Variants in OR7C1 observed in about 807,000 individuals in gnomAD.
OR7C1 encodes the protein olfactory receptor family 7 subfamily C member 1.
For synonymous variants in OR7C1, 152 were observed against 160.7 expected (o/e 0.95, Z 0.41); for missense variants, 324 against 383.3 (o/e 0.85, Z 1.29).
At chr19:14,804,398 A>G (rs185448213) in intron 2 of OR7C1, among the ~76,000 whole-genome samples, 2 of 152,316 alleles carry the variant, frequency 1.3e-5, no homozygotes, top group East Asian at 3.8e-4. Flanking sequence ...CAAGTAAACA[A>G]CTGCAAATTA....
chr19:14,823,014 G>A (rs2044748486), intron 1 of OR7C1, among the ~76,000 whole-genome samples: 1 of 152,072 alleles, frequency 6.6e-6, no homozygotes, highest in South Asian at 2.1e-4. Flanking sequence ...TTAATTTGAT[G>A]TAATCCCACT....
chr19:14,806,472 T>C (rs1472148747), intron 2 of OR7C1, among the ~76,000 whole-genome samples: 2 of 151,972 alleles, frequency 1.3e-5, no homozygotes, highest in African/African-American at 4.8e-5. Flanking sequence ...GCTGCACCTG[T>C]CAACCCATCA....
chr19:14,814,100 A>G (rs1037208249), intron 1 of OR7C1, among the ~76,000 whole-genome samples: 1 of 152,118 alleles, frequency 6.6e-6, no homozygotes, highest in Non-Finnish European at 1.5e-5. Flanking sequence ...GAAAGACTGC[A>G]TGACATTGGT....
chr19:14,798,772 C>T (rs2044623507), exon 5 of OR7C1: 1 of 164,698 alleles, frequency 6.1e-6, no homozygotes, highest in Admixed American at 5.9e-5. Flanking sequence ...ACCTGGGCAG[C>T]CCCATGTTGC....
chr19:14,818,822 G>T (rs901540965), intron 1 of OR7C1, among the ~76,000 whole-genome samples: 1 of 152,152 alleles, frequency 6.6e-6, no homozygotes, highest in African/African-American at 2.4e-5. Flanking sequence ...ATTTTAGATA[G>T]TTTAGAGAGT....
intron 1 of OR7C1, among the ~76,000 whole-genome samples, chr19:14,820,871 GA>G (rs1465524486): frequency 2.0e-5 from 3 of 152,128 alleles, no homozygotes; most frequent in Admixed American, 2.0e-4. Flanking sequence ...AGAAAAGAGG[GA>G]AAAACTCAAT....
chr19:14,832,340 T>G (rs1442491071), intron 1 of OR7C1, among the ~76,000 whole-genome samples: 1 of 152,160 alleles, frequency 6.6e-6, no homozygotes, highest in Non-Finnish European at 1.5e-5. Context: ...TGAGCAGGGA[T>G]GTTACCATGG....
chr19:14,820,986 G>A (rs138639690), intron 1 of OR7C1, among the ~76,000 whole-genome samples: 4 of 152,290 alleles, frequency 2.6e-5, no homozygotes, highest in Non-Finnish European at 5.9e-5. Flanking sequence ...GGGCATGGTG[G>A]CTCACACCTG....
intron 1 of OR7C1, among the ~76,000 whole-genome samples, chr19:14,813,373 G>T (rs2044700417): frequency 6.6e-6 from 1 of 151,786 alleles, no homozygotes; most frequent in Non-Finnish European, 1.5e-5. Flanking sequence ...ATCTAACTCG[G>T]TGAAACCCTG....
At chr19:14,830,467 A>G (rs1280062265) in intron 1 of OR7C1, among the ~76,000 whole-genome samples, 1 of 151,796 alleles carries the variant, frequency 6.6e-6, no homozygotes, top group African/African-American at 2.4e-5. Flanking sequence ...CAAGGAGACA[A>G]AGGCTTGCTG....
chr19:14,799,048 C>A, exon 5 of OR7C1: 3 of 1,243,946 alleles, frequency 2.4e-6, no homozygotes, highest in Admixed American at 2.8e-5. Flanking sequence ...TAAATAATTT[C>A]TTTCTAGCTC....
chr19:14,821,435 G>A (rs937856459), intron 1 of OR7C1: 4 of 152,214 alleles, frequency 2.6e-5, no homozygotes, highest in Admixed American at 2.6e-4. Flanking sequence ...TCCCAACAGT[G>A]TGGCTCTTCT....
At chr19:14,834,333 T>C (rs1360280541) in intron 1 of OR7C1, among the ~76,000 whole-genome samples, 1 of 152,128 alleles carries the variant, frequency 6.6e-6, no homozygotes, top group Non-Finnish European at 1.5e-5. Flanking sequence ...CCAGCAGATA[T>C]TCCTCGCCAC....
At chr19:14,827,863 A>T in intron 1 of OR7C1, 2 of 1,614,240 alleles carry the variant, frequency 1.2e-6, no homozygotes, top group Non-Finnish European at 1.7e-6. Flanking sequence ...AGGGGGTGAC[A>T]GATGGCCACA....
intron 1 of OR7C1, among the ~76,000 whole-genome samples, chr19:14,823,842 T>G (rs1238399648): frequency 6.6e-6 from 1 of 152,154 alleles, no homozygotes; most frequent in Admixed American, 6.5e-5. Context: ...TTCATTCTTC[T>G]GCATATGGAT....
At chr19:14,824,691 T>A (rs963471175) in intron 1 of OR7C1, 2 of 152,132 alleles carry the variant, frequency 1.3e-5, no homozygotes, top group Non-Finnish European at 2.9e-5. Context: ...AACATATGGG[T>A]GAATGAGTCC....
At chr19:14,827,505 G>A in intron 1 of OR7C1, 1 of 1,614,176 alleles carries the variant, frequency 6.2e-7, no homozygotes, top group Non-Finnish European at 8.5e-7. Context: ...GGAGACAACT[G>A]AGAGGTGAGA....
At chr19:14,808,840 A>T (rs1442054411) in intron 2 of OR7C1, among the ~76,000 whole-genome samples, 1 of 152,040 alleles carries the variant, frequency 6.6e-6, no homozygotes, top group East Asian at 1.9e-4. Flanking sequence ...TCCTCGTTAG[A>T]ACTCATAGAG....
In OR7C1 at chr19:14,801,519, C is replaced by G. The variant is rs535334340; in HGVS notation, c.-434-755G>C. On this transcript the variant is annotated intron_variant, in intron 2 of 4. Transcript: ENST00000641666. The stretch of plus-strand genomic sequence containing the variant: ...ATAGGTACTGCGTATTAAATTAATG[C>G]GATTTTAGGATATATTTTGAATTTT... Among the ~76,000 whole-genome samples, 142 of 152,050 alleles carry G rather than the reference C, an allele frequency of 9.3e-4. 2 individuals carry two copies. In the South Asian group the frequency reaches 0.029, roughly 31 times the overall value.
Sources: allele counts gnomAD v4.1 joint callset (sites outside exome capture counted in the v4.1 genomes callset), GRCh38; gene constraint gnomAD v4.1.1; transcripts MANE v1.5; gene names NCBI Gene and HGNC (gene_info 2026-07-23, HGNC 2026-07-21).